The following OXR1 variants were observed in gnomAD, a reference collection of about 807,000 sequenced individuals.
The protein encoded by OXR1 is oxidation resistance 1.
Under a neutral mutation model 104.6 loss-of-function variants are expected in OXR1, and 41 were observed. The observed-to-expected ratio is 0.39, with a 90% confidence interval of 0.31 to 0.51. The LOEUF is 0.51. Among genes scored for constraint, OXR1 ranks in the 20% least tolerant of loss-of-function variants. The pLI is 0.77. For synonymous variants in OXR1, 348 were observed against 348.4 expected, an observed-to-expected ratio of 1.00 and a Z score of 0.01; for missense variants, 955 against 1,031.9, an observed-to-expected ratio of 0.93 and a Z score of 1.02.
chr8:106,406,724 G>A (rs1450639222), intron 2 of OXR1, among the ~76,000 whole-genome samples: 1 of 152,046 alleles, frequency 6.6e-6, no homozygotes, highest in African/African-American at 2.4e-5. Context: ...AGAGTACAGA[G>A]GATTTTTAAG....
intron 3 of OXR1, among the ~76,000 whole-genome samples, chr8:106,523,325 T>C (rs1466835319): frequency 6.6e-6 from 1 of 152,178 alleles, no homozygotes; most frequent in African/African-American, 2.4e-5. Context: ...AAGTCCATCA[T>C]AAATTCCAGA....
At chr8:106,667,872 G>A (rs702777) in intron 3 of OXR1, among the ~76,000 whole-genome samples, 19,903 of 151,580 alleles carry the variant, frequency 0.13, 1,578 homozygotes, top group Non-Finnish European at 0.18. Context: ...GGATGGATGG[G>A]TGGTTAGAAG....
At chr8:106,295,901 C>G (rs1191545676) in intron 1 of OXR1, among the ~76,000 whole-genome samples, 1 of 152,190 alleles carries the variant, frequency 6.6e-6, no homozygotes, top group Non-Finnish European at 1.5e-5. Context: ...ATAATGCAAA[C>G]TGAACCTCTG....
intron 3 of OXR1, among the ~76,000 whole-genome samples, chr8:106,643,284 G>A (rs7462454): frequency 0.18 from 27,379 of 151,968 alleles, 2,628 homozygotes; most frequent in East Asian, 0.38. Context: ...CAAAGCAGCC[G>A]CAGACAATAC....
intron 11 of OXR1, 63 bp from the exon 12 acceptor site, chr8:106,737,440 CTTTTTTTTTTTTTTTTT>C: frequency 2.1e-5 from 3 of 146,254 alleles, no homozygotes; most frequent in Middle Eastern, 1.0e-3. Flanking sequence ...AATTTCTCCT[CTTTTTTTTTTTTTTTTT>C]TTTTTTTTTG....
chr8:106,684,687 T>G (rs1297681585), intron 6 of OXR1, among the ~76,000 whole-genome samples: 1 of 152,164 alleles, frequency 6.6e-6, no homozygotes, highest in Non-Finnish European at 1.5e-5. Flanking sequence ...TCATGTCCAA[T>G]TTGATGTTTA....
chr8:106,746,947 C>A (rs1270974612), intron 16 of OXR1, among the ~76,000 whole-genome samples: 1 of 152,132 alleles, frequency 6.6e-6, no homozygotes, highest in Non-Finnish European at 1.5e-5. Flanking sequence ...CATTAGATGT[C>A]TGCTGGAACT....
chr8:106,672,387 G>A (rs1477493069), intron 3 of OXR1, among the ~76,000 whole-genome samples: 3 of 151,502 alleles, frequency 2.0e-5, no homozygotes, highest in South Asian at 2.1e-4. Flanking sequence ...CTCAGGAGGC[G>A]AAGGCAGGAG....
At chr8:106,296,934 T>TG (rs527718085) in intron 1 of OXR1, among the ~76,000 whole-genome samples, 46 of 152,324 alleles carry the variant, frequency 3.0e-4, no homozygotes, top group African/African-American at 1.0e-3. Context: ...TGCTTTTCCT[T>TG]GAAAAAGTTA....
In OXR1 at chr8:106,683,230, C is replaced by A; in HGVS notation, c.335C>A (p.Ala112Asp). 6.3e-7 allele frequency: 1 copy of A among 1,597,248 alleles called. No homozygotes were observed. Among genetic ancestry groups the A allele is most frequent in the Non-Finnish European group, 8.6e-7 (1 of 1,165,536 alleles). The change falls in exon 5 of 17, where the codon GCC (alanine) becomes GAC (aspartate). Residue 112 changes from alanine (A) to aspartate (D), a missense_variant. Physicochemically the swap from Ala to Asp is moderately radical, Grantham distance 126. Transcript: ENST00000517566. Reference sequence around the variant, plus strand: ...TCAAGGGATTCTTTGAATAGCATAGCCCTGAAGTTTGATACAACACCTAAC... The same window carrying A: ...TCAAGGGATTCTTTGAATAGCATAGACCTGAAGTTTGATACAACACCTAAC... Reference protein sequence around the residue: ...VESRDSLNSIALKFDTTPNEL... With the variant: ...VESRDSLNSIDLKFDTTPNEL...
intron 3 of OXR1, among the ~76,000 whole-genome samples, chr8:106,655,894 T>C (rs890567996): frequency 2.0e-5 from 3 of 152,198 alleles, no homozygotes; most frequent in African/African-American, 7.2e-5. Context: ...ATGGGTTAAC[T>C]ACCTGTAAAT....
chr8:106,703,113 T>G (rs1236796011), intron 8 of OXR1, 23 bp downstream of exon 8: 1 of 1,518,162 alleles, frequency 6.6e-7, no homozygotes, highest in South Asian at 1.2e-5. Flanking sequence ...TTTATATTCC[T>G]TTGCAACTTT....
At chr8:106,399,716 G>C (rs1817924446) in intron 2 of OXR1, among the ~76,000 whole-genome samples, 1 of 152,106 alleles carries the variant, frequency 6.6e-6, no homozygotes, top group Admixed American at 6.6e-5. Flanking sequence ...GCTTAAACAG[G>C]TGCTACTATC....
intron 3 of OXR1, among the ~76,000 whole-genome samples, chr8:106,535,698 T>A (rs1374096487): frequency 1.3e-5 from 2 of 152,218 alleles, no homozygotes; most frequent in South Asian, 2.1e-4. Context: ...GAGAAAAAAA[T>A]TATTAACTAC....
At chr8:106,355,294 T>C (rs1479908683) in intron 1 of OXR1, among the ~76,000 whole-genome samples, 1 of 152,140 alleles carries the variant, frequency 6.6e-6, no homozygotes, top group Admixed American at 6.5e-5. Flanking sequence ...TGTTGGAGAT[T>C]TGTGTTAAGA....
At chr8:106,721,953 T>C (rs1229479036) in intron 11 of OXR1, among the ~76,000 whole-genome samples, 1 of 152,168 alleles carries the variant, frequency 6.6e-6, no homozygotes, top group Non-Finnish European at 1.5e-5. Context: ...TATCATTAAG[T>C]AGAGTTATGG....
rs188176638 is a variant in OXR1 at position 106,608,088 on chromosome 8, C to A, written c.221-71122C>A. 2.1e-4 allele frequency among the ~76,000 whole-genome samples: 32 copies of A among 152,230 alleles called. No homozygotes were observed. In the East Asian group the frequency reaches 5.8e-3, roughly 28 times the overall value. On this transcript the variant is annotated intron_variant, in intron 3 of 16. Coordinates refer to ENST00000517566, the MANE Select transcript of OXR1 (RefSeq NM_001198533.2). ...CTTGAGGCTAGGAATTTGAGGCCAA[C>A]CTGACCAATGCAGTGAGACCCTCAT...
At chr8:106,303,399 C>T (rs368792171) in intron 1 of OXR1, among the ~76,000 whole-genome samples, 34 of 151,226 alleles carry the variant, frequency 2.2e-4, no homozygotes, top group East Asian at 2.0e-3. Context: ...CCACCACGCC[C>T]GGCTAATTTT....
chr8:106,527,238 T>C (rs1189585743), intron 3 of OXR1, among the ~76,000 whole-genome samples: 1 of 152,180 alleles, frequency 6.6e-6, no homozygotes, highest in Non-Finnish European at 1.5e-5. Context: ...TCAGTAAATA[T>C]TAGTGAGCTT....
Sources: allele counts gnomAD v4.1 joint callset (sites outside exome capture counted in the v4.1 genomes callset), GRCh38; gene constraint gnomAD v4.1.1; transcripts MANE v1.5; gene names NCBI Gene and HGNC (gene_info 2026-07-23, HGNC 2026-07-21).